Variants in JDP2 observed in about 807,000 individuals in gnomAD.
JDP2 encodes the protein Jun dimerization protein 2.
Under a neutral mutation model 17.1 loss-of-function variants are expected in JDP2, and 9 were observed. That is an observed-to-expected ratio of 0.53 (90% CI 0.32 to 0.92). The LOEUF is 0.92. Among genes scored for constraint, JDP2 ranks in the 40% least tolerant of loss-of-function variants. The pLI is 0.04. For missense variants in JDP2, 179 were observed against 220.0 expected (o/e 0.81, Z 1.18); for synonymous variants, 107 against 95.6 (o/e 1.12, Z -0.69).
At chr14:75,463,284 T>G (rs1053844807) in intron 3 of JDP2, among the ~76,000 whole-genome samples, 2 of 152,180 alleles carry the variant, frequency 1.3e-5, no homozygotes, top group African/African-American at 4.8e-5. Flanking sequence ...TGAGATAATA[T>G]TATTTATCCC....
chr14:75,465,904 A>G (rs566890318), intron 3 of JDP2, among the ~76,000 whole-genome samples: 3 of 152,324 alleles, frequency 2.0e-5, no homozygotes, highest in African/African-American at 2.4e-5. Context: ...CAAAACAATA[A>G]ACAAAAATGC....
rs376110423 is a variant in JDP2 at position 75,461,541 on chromosome 14, C to T, written c.306+11C>T. ...GAGTTTCTGCAGCGGGTGAGCTGAC[C>T]GGGTGGGTGGGGAGGCCTGCCATTC... On this transcript the variant is annotated intron_variant, in intron 3 of 3. Transcript: ENST00000651602. The T allele has an allele frequency of 1.5e-4, 236 of 1,586,348 alleles. No homozygotes were observed. The East Asian group carries it at 2.5e-3, about 17-fold the overall frequency.
intron 3 of JDP2, among the ~76,000 whole-genome samples, chr14:75,465,960 TCAGTTC>T (rs1441833567): frequency 6.6e-6 from 1 of 152,210 alleles, no homozygotes; most frequent in Middle Eastern, 3.2e-3. Context: ...AGATCTTCGC[TCAGTTC>T]CTTCATTAAT....
intron 2 of JDP2, chr14:75,445,646 T>G: frequency 2.2e-6 from 2 of 921,352 alleles, no homozygotes; most frequent in Non-Finnish European, 2.6e-6. Flanking sequence ...TAGTACCTAG[T>G]ACCATATACA....
chr14:75,453,997 A>G (rs1885988519), intron 2 of JDP2, among the ~76,000 whole-genome samples: 1 of 151,102 alleles, frequency 6.6e-6, no homozygotes, highest in Admixed American at 6.6e-5. Flanking sequence ...TCTCTTTCTC[A>G]TTCTGTCTCT....
At chr14:75,456,685 G>A (rs973541949) in intron 2 of JDP2, among the ~76,000 whole-genome samples, 11 of 152,134 alleles carry the variant, frequency 7.2e-5, no homozygotes, top group African/African-American at 2.2e-4. Flanking sequence ...TTCACAGCCC[G>A]ATCTTCCTGC....
intron 1 of JDP2, among the ~76,000 whole-genome samples, chr14:75,431,870 T>C (rs545419668): frequency 6.6e-6 from 1 of 152,270 alleles, no homozygotes; most frequent in South Asian, 2.1e-4. Flanking sequence ...CCACACTGAC[T>C]TCACTCTTAC....
chr14:75,453,918 C>T (rs1266021225), intron 2 of JDP2, among the ~76,000 whole-genome samples: 3 of 152,178 alleles, frequency 2.0e-5, no homozygotes, highest in Admixed American at 6.5e-5. Flanking sequence ...TTTTGCTTAT[C>T]ACTTCCTTTA....
chr14:75,465,961 C>T (rs1886554373), intron 3 of JDP2, among the ~76,000 whole-genome samples: 1 of 152,196 alleles, frequency 6.6e-6, no homozygotes, highest in Admixed American at 6.5e-5. Context: ...GATCTTCGCT[C>T]AGTTCCTTCA....
At chr14:75,445,341 A>G (rs1286886997) in intron 2 of JDP2, 7 of 985,386 alleles carry the variant, frequency 7.1e-6, no homozygotes. Context: ...CAGGTTGTGT[A>G]CAACCTGCCA....
At chr14:75,456,918 T>C (rs7146899) in intron 2 of JDP2, among the ~76,000 whole-genome samples, 66,815 of 152,024 alleles carry the variant, frequency 0.44, 16,127 homozygotes, top group African/African-American at 0.65. Flanking sequence ...CTCTTGGTCC[T>C]GAGTCCCCAG....
chr14:75,448,865 G>A (rs1443486390), intron 2 of JDP2, among the ~76,000 whole-genome samples: 1 of 152,172 alleles, frequency 6.6e-6, no homozygotes, highest in Non-Finnish European at 1.5e-5. Flanking sequence ...CCCTGGCAAT[G>A]GGGAGCTCTG....
chr14:75,464,170 A>G (rs1157955155), intron 3 of JDP2, among the ~76,000 whole-genome samples: 2 of 152,252 alleles, frequency 1.3e-5, no homozygotes, highest in Non-Finnish European at 2.9e-5. Context: ...AGTTTAGGGC[A>G]TGAATGCAGG....
intron 1 of JDP2, among the ~76,000 whole-genome samples, chr14:75,434,689 T>C (rs1441011127): frequency 6.6e-6 from 1 of 152,148 alleles, no homozygotes; most frequent in Non-Finnish European, 1.5e-5. Flanking sequence ...GAGCCTATCA[T>C]TCCCGGAACA....
At chr14:75,435,437 G>T (rs1253064648) in intron 1 of JDP2, among the ~76,000 whole-genome samples, 1 of 152,214 alleles carries the variant, frequency 6.6e-6, no homozygotes, top group Non-Finnish European at 1.5e-5. Context: ...CTCTGTGCAA[G>T]ACAATGACCC....
Position 75,469,610 on chromosome 14 carries a change from T to A in JDP2, c.*135T>A. On this transcript the variant is annotated 3_prime_UTR_variant, in exon 4 of 4. Transcript: ENST00000651602. Reference sequence around the variant, plus strand: ...ACAATGAGGTTCAGCACAGCCAGCATCAGCCGAGCTTTTTTGTGAAACTCA... The same window carrying A: ...ACAATGAGGTTCAGCACAGCCAGCAACAGCCGAGCTTTTTTGTGAAACTCA... 1 of 755,856 alleles carries A rather than the reference T, an allele frequency of 1.3e-6. No individual in the cohort carries two copies. Among genetic ancestry groups the A allele is most frequent in the East Asian group, 2.8e-5 (1 of 35,660 alleles). The allele number at this position is 755,856 out of a possible 1,614,324, so 46.8% of individuals were successfully genotyped here.
chr14:75,432,508 A>T (rs1884856006), intron 1 of JDP2, among the ~76,000 whole-genome samples: 1 of 151,498 alleles, frequency 6.6e-6, no homozygotes, highest in South Asian at 2.1e-4. Flanking sequence ...TCGACTTCCA[A>T]CCCCTTATTT....
chr14:75,452,274 G>T (rs1227096040), intron 2 of JDP2, among the ~76,000 whole-genome samples: 1 of 152,218 alleles, frequency 6.6e-6, no homozygotes, highest in Non-Finnish European at 1.5e-5. Flanking sequence ...TCTTTTCCCA[G>T]CTTGGCAGCC....
Position 75,469,286 on chromosome 14 carries a change from A to G in JDP2, c.307-4A>G. On this transcript the variant is annotated splice_polypyrimidine_tract_variant and splice_region_variant and intron_variant, in intron 3 of 3. Coordinates refer to ENST00000651602, the MANE Select transcript of JDP2 (RefSeq NM_001135048.2). ...TCACAGCGTGCTTCTGTGTTGGTATACAGGAATCCGAGCGGCTGGAACTCA... is the reference window on the plus strand; with the variant it reads ...TCACAGCGTGCTTCTGTGTTGGTATGCAGGAATCCGAGCGGCTGGAACTCA... 6.2e-7 allele frequency: 1 copy of G among 1,613,158 alleles called. No individual in the cohort carries two copies.
Sources: allele counts gnomAD v4.1 joint callset (sites outside exome capture counted in the v4.1 genomes callset), GRCh38; gene constraint gnomAD v4.1.1; transcripts MANE v1.5; gene names NCBI Gene and HGNC (gene_info 2026-07-23, HGNC 2026-07-21).